Variants in SRGAP1 observed in about 807,000 individuals in gnomAD.
SRGAP1 encodes SLIT-ROBO Rho GTPase-activating protein 1.
Under a neutral mutation model 121.9 loss-of-function variants are expected in SRGAP1, and 43 were observed. That is an observed-to-expected ratio of 0.35 (90% CI 0.28 to 0.46). The LOEUF is 0.46. SRGAP1 is among the 20% of genes least tolerant of loss of function. The probability of loss-of-function intolerance (pLI) is 1.00; values close to 1 mark genes in which losing one functional copy is unlikely to be tolerated. For missense variants in SRGAP1, 1,102 were observed against 1,350.9 expected (o/e 0.82, Z 2.89); for synonymous variants, 447 against 485.4 (o/e 0.92, Z 1.04).
At chr12:63,995,150 A>G (rs1301241353) in intron 3 of SRGAP1, among the ~76,000 whole-genome samples, 1 of 152,162 alleles carries the variant, frequency 6.6e-6, no homozygotes, top group African/African-American at 2.4e-5. Context: ...GAAGTCTGTC[A>G]TTTCCCCAAA....
intron 1 of SRGAP1, among the ~76,000 whole-genome samples, chr12:63,945,436 C>T (rs916454300): frequency 1.3e-5 from 2 of 152,008 alleles, no homozygotes; most frequent in African/African-American, 4.8e-5. Flanking sequence ...CCTCAACAGG[C>T]CCTGGTGTGT....
rs531623222 is a variant in SRGAP1, at chr12:64,161,376, G to A, written c.*18704G>A. 6.6e-6 allele frequency: 1 copy of A among 152,210 alleles called. No individual in the cohort carries two copies. The highest frequency in any genetic ancestry group is 2.4e-5 in the African/African-American group (1 of 41,558). 9.4% of individuals were successfully genotyped at this position (152,210 alleles called of 1,614,324 possible). On this transcript the variant is annotated 3_prime_UTR_variant, in exon 22 of 22. Coordinates refer to ENST00000355086, the MANE Select transcript of SRGAP1 (RefSeq NM_020762.4). ...CTATAATTTTACTAATTTTCCTCCA[G>A]TTTTTCATCTATTTGACTTTTTGCT...
At chr12:64,085,947 G>A (rs2035928923) in intron 10 of SRGAP1, among the ~76,000 whole-genome samples, 1 of 152,134 alleles carries the variant, frequency 6.6e-6, no homozygotes, top group African/African-American at 2.4e-5. Context: ...TTAATCAATA[G>A]ATATTAACCA....
intron 10 of SRGAP1, among the ~76,000 whole-genome samples, chr12:64,084,337 G>T (rs544504020): frequency 1.3e-5 from 2 of 149,100 alleles, no homozygotes; most frequent in African/African-American, 2.4e-5. Context: ...ATATGTTGGG[G>T]GGTGTGGCGA....
rs1310631212 is a variant in SRGAP1, at chr12:64,103,000, T to G, written c.1813+5625T>G. ...ATAAAGCTGTTGTTAAAAAAATTGTTTTTGAGACAGGCTCTCACTCTGTTG... is the reference window on the plus strand; with the variant it reads ...ATAAAGCTGTTGTTAAAAAAATTGTGTTTGAGACAGGCTCTCACTCTGTTG... On this transcript the variant is annotated intron_variant, in intron 15 of 21. Transcript: ENST00000355086. Among the ~76,000 whole-genome samples, 3 of 152,148 alleles carry G rather than the reference T, an allele frequency of 2.0e-5. No homozygotes were observed. In the East Asian group the frequency reaches 5.8e-4, roughly 29 times the overall value.
intron 21 of SRGAP1, among the ~76,000 whole-genome samples, chr12:64,134,498 G>C (rs907363812): frequency 6.6e-6 from 1 of 151,432 alleles, no homozygotes; most frequent in African/African-American, 2.4e-5. Flanking sequence ...CTCCCAGCTG[G>C]GATGAGTAAG....
At chr12:64,091,766 T>C in intron 12 of SRGAP1, 1 of 707,678 alleles carries the variant, frequency 1.4e-6, no homozygotes, top group South Asian at 2.0e-5. Flanking sequence ...GCAGGAGTTT[T>C]GATTTCCCAT....
intron 17 of SRGAP1, 77 bp from the exon 18 acceptor site, chr12:64,115,737 G>A: frequency 1.8e-6 from 2 of 1,105,492 alleles, no homozygotes; most frequent in Non-Finnish European, 1.3e-6. Context: ...CTCCAGCCTA[G>A]GCAGCAGTGC....
chr12:63,925,227 T>G (rs1175051536), intron 1 of SRGAP1, among the ~76,000 whole-genome samples: 2 of 152,232 alleles, frequency 1.3e-5, no homozygotes, highest in Non-Finnish European at 2.9e-5. Flanking sequence ...AGCATTCATA[T>G]TCAAGGTGAA....
At chr12:64,036,506 G>T (rs995619918) in intron 4 of SRGAP1, among the ~76,000 whole-genome samples, 2 of 152,158 alleles carry the variant, frequency 1.3e-5, no homozygotes, top group Non-Finnish European at 2.9e-5. Flanking sequence ...AGAGCTTTTA[G>T]TGATTAATGG....
intron 1 of SRGAP1, among the ~76,000 whole-genome samples, chr12:63,943,819 C>G (rs1394436979): frequency 4.6e-5 from 7 of 152,020 alleles, no homozygotes; most frequent in African/African-American, 1.7e-4. Context: ...TTTTAGGCAT[C>G]AGCAGTACAT....
chr12:64,093,043 T>C (rs533854720), intron 12 of SRGAP1, among the ~76,000 whole-genome samples: 1 of 152,236 alleles, frequency 6.6e-6, no homozygotes, highest in African/African-American at 2.4e-5. Flanking sequence ...TACAGAGGGC[T>C]CCTTTCCACT....
chr12:64,066,079 C>T (rs1474723954), intron 8 of SRGAP1, among the ~76,000 whole-genome samples: 2 of 152,160 alleles, frequency 1.3e-5, no homozygotes, highest in African/African-American at 4.8e-5. Context: ...TACAGGAACA[C>T]AAGTTAAAAA....
intron 8 of SRGAP1, among the ~76,000 whole-genome samples, chr12:64,071,309 C>T (rs1416892567): frequency 6.6e-6 from 1 of 152,148 alleles, no homozygotes; most frequent in Non-Finnish European, 1.5e-5. Flanking sequence ...AATGGCAGAG[C>T]TCAGGATGGC....
chr12:63,875,822 A>C (rs901127442), intron 1 of SRGAP1, among the ~76,000 whole-genome samples: 3 of 152,224 alleles, frequency 2.0e-5, no homozygotes, highest in Admixed American at 2.0e-4. Flanking sequence ...TCTTAGTTGC[A>C]GTCACTTGCC....
chr12:63,993,954 G>C (rs975032952), intron 3 of SRGAP1, among the ~76,000 whole-genome samples: 2 of 151,962 alleles, frequency 1.3e-5, no homozygotes, highest in African/African-American at 4.8e-5. Flanking sequence ...TCTAAATGAA[G>C]CCTATTGGTC....
intron 1 of SRGAP1, among the ~76,000 whole-genome samples, chr12:63,893,852 T>C (rs1158769705): frequency 6.6e-6 from 1 of 152,258 alleles, no homozygotes; most frequent in Non-Finnish European, 1.5e-5. Context: ...TGTTTGTTTG[T>C]TTTTGAGACA....
intron 21 of SRGAP1, among the ~76,000 whole-genome samples, chr12:64,138,388 A>C (rs1592356404): frequency 6.8e-6 from 1 of 147,680 alleles, no homozygotes; most frequent in African/African-American, 2.5e-5. Flanking sequence ...GGCACACTCC[A>C]CCTTTTTGAA....
At chr12:63,976,651 G>A (rs938211209) in intron 1 of SRGAP1, among the ~76,000 whole-genome samples, 8 of 152,164 alleles carry the variant, frequency 5.3e-5, no homozygotes, top group Admixed American at 3.3e-4. Flanking sequence ...ATGTCCATCT[G>A]TTTCATAGTG....
Sources: allele counts gnomAD v4.1 joint callset (sites outside exome capture counted in the v4.1 genomes callset), GRCh38; gene constraint gnomAD v4.1.1; transcripts MANE v1.5; gene names NCBI Gene and HGNC (gene_info 2026-07-23, HGNC 2026-07-21).